Variants in ICAM3 observed in about 807,000 individuals in gnomAD.
ICAM3 encodes intercellular adhesion molecule 3.
A neutral mutation model predicts 43.6 loss-of-function variants in ICAM3; 54 were observed. That is an observed-to-expected ratio of 1.24 (90% CI 0.99 to 1.55). The LOEUF (loss-of-function observed/expected upper bound fraction) is 1.55. ICAM3 is among the 40% of genes most tolerant of loss of function. The pLI is 0.00. For missense variants in ICAM3, 715 were observed against 717.9 expected, an observed-to-expected ratio of 1.00 and a Z score of 0.05; for synonymous variants, 306 against 312.6, an observed-to-expected ratio of 0.98 and a Z score of 0.22.
At position 10,335,807 on chromosome 19, in the gene ICAM3, C is replaced by A. The variant is rs1398393730; in HGVS notation, c.513G>T (p.Ala171=). Residue 171 remains alanine, a synonymous_variant, in exon 3 of 7, where the codon GCG becomes GCT. Coordinates refer to ENST00000160262, the MANE Select transcript of ICAM3 (RefSeq NM_002162.5). ...TGGCCAGCACAGTGGCAGTGACCTC[C>A]GCTGGCTCCTCCACTGCGGGCTGCC... ...LSRQPAVEEP[A]EVTATVLASR... is the part of the protein sequence containing the mutation. 2.5e-6 allele frequency: 4 copies of A among 1,612,618 alleles called. No homozygotes were observed. The highest frequency in any genetic ancestry group is 3.4e-6 in the Non-Finnish European group (4 of 1,179,858).
rs1324003225 is a variant in ICAM3 at position 10,339,262 on chromosome 19, C to T, written c.76+277G>A. ...CAGGTGATCCTGGCAGAGGGAAGCA[C>T]ATACGCAAAGGGCAAATTTCAGGAG... On this transcript the variant is annotated intron_variant, in intron 1 of 6. Transcript: ENST00000160262. The T allele has an allele frequency of 5.2e-6, 3 of 579,388 alleles. No individual in the cohort carries two copies. The East Asian group carries it at 8.7e-5, about 17-fold the overall frequency. 35.9% of individuals were successfully genotyped at this position (579,388 alleles called of 1,614,324 possible).
intron 2 of ICAM3, among the ~76,000 whole-genome samples, chr19:10,336,816 A>G (rs1367126320): frequency 2.0e-5 from 3 of 148,834 alleles, no homozygotes; most frequent in Non-Finnish European, 4.5e-5. Context: ...AAAAAAAAAA[A>G]AAAAAAAAAA....
rs1272703443 is a variant in ICAM3 at position 10,335,708 on chromosome 19, G to T, written c.612C>A (p.Phe204Leu). The T allele has an allele frequency of 6.2e-7, 1 of 1,608,682 alleles. No individual in the cohort carries two copies. Among genetic ancestry groups the T allele is most frequent in the African/African-American group, 1.3e-5 (1 of 75,002 alleles). Residue 204 changes from phenylalanine to leucine, a missense_variant, in exon 3 of 7, where the codon TTC (phenylalanine) becomes TTA (leucine). Phe to Leu is a conservative substitution (Grantham distance 22). Transcript: ENST00000160262. ...GCTGGCGGGGGGCTGAGGTGTTCAC[G>T]AACAGTCCCAGCCCCTGGGGCTGCA... Reference protein sequence around the residue: ...LDMQPQGLGLFVNTSAPRQLR... With the variant: ...LDMQPQGLGLLVNTSAPRQLR...
Position 10,334,379 on chromosome 19 carries a change from G to T in ICAM3, c.1222C>A (p.Pro408Thr). The T allele has an allele frequency of 6.2e-7, 1 of 1,614,124 alleles. No individual in the cohort carries two copies. ...TTATCTTTCCATTTCAAGTGCTGGG[G>T]GCATGTGGCTCGGTCAATTTTGGGA... ...YGPKIDRATC[P>T]QHLKWKDKTR... is the part of the protein sequence containing the mutation. The change falls in exon 6 of 7, where the codon CCC becomes ACC. Residue 408 changes from proline (P) to threonine (T), a missense_variant. Transcript: ENST00000160262. This position sits in a 1 kb window ranked among gnomAD's most constrained non-coding sequence, Gnocchi z 5.5.
Position 10,334,146 on chromosome 19 carries a change from C to T in ICAM3, c.1441+14G>A, listed in dbSNP as rs1435740377. ...GGCTTACCGGTCCAGACCCGCAGCC[C>T]CGTGTTAGCTCACCCTCAATGTCCA... On this transcript the variant is annotated intron_variant, in intron 6 of 6. Transcript: ENST00000160262. The surrounding 1 kb of genome is among the most constrained non-coding windows in gnomAD (Gnocchi z 5.5). The T allele has an allele frequency of 4.3e-6, 7 of 1,612,590 alleles. No individual in the cohort carries two copies. Among genetic ancestry groups the T allele is most frequent in the Non-Finnish European group, 5.1e-6 (6 of 1,178,804 alleles).
At chr19:10,336,460 C>T (rs2040598935) in intron 2 of ICAM3, among the ~76,000 whole-genome samples, 1 of 152,060 alleles carries the variant, frequency 6.6e-6, no homozygotes, top group South Asian at 2.1e-4. Flanking sequence ...GGCACAGTCA[C>T]AGGAGACTTG....
rs2040570387 is a variant in ICAM3 at position 10,334,883 on chromosome 19, C to CT, written c.938-102_938-101insA. The CT allele has an allele frequency of 8.2e-6, 12 of 1,471,238 alleles. No homozygotes were observed. The highest frequency in any genetic ancestry group is 1.1e-5 in the Non-Finnish European group (12 of 1,098,676). 91.1% of individuals were successfully genotyped at this position (1,471,238 alleles called of 1,614,324 possible). ...CTTTCCTCTCGGGATATCCGGGCCACGCTTTCGGCCGTTCAAGCCTCGCCC... is the reference window on the plus strand; with the variant it reads ...CTTTCCTCTCGGGATATCCGGGCCACTGCTTTCGGCCGTTCAAGCCTCGCCC... On this transcript the variant is annotated intron_variant, in intron 4 of 6. Coordinates refer to ENST00000160262, the MANE Select transcript of ICAM3 (RefSeq NM_002162.5). This position sits in a 1 kb window ranked among gnomAD's most constrained non-coding sequence, Gnocchi z 5.5.
In ICAM3 at chr19:10,339,563, G is replaced by C. The variant is rs776366850; in HGVS notation, c.52C>G (p.Leu18Val). ...VLWPRACWTL[L>V]VCCLLTPGVQ... The stretch of plus-strand genomic sequence containing the variant: ...CCTGGGGTCAGCAGACAGCAGACCA[G>C]CAGAGTCCAGCAGGCCCTGGGCCAC... Residue 18 changes from leucine (L) to valine (V), a missense_variant, in exon 1 of 7, where the codon CTG becomes GTG. Coordinates refer to ENST00000160262, the MANE Select transcript of ICAM3 (RefSeq NM_002162.5). The C allele has an allele frequency of 2.5e-6, 4 of 1,613,942 alleles. No individual in the cohort carries two copies. Among genetic ancestry groups the C allele is most frequent in the Admixed American group, 1.7e-5 (1 of 60,010 alleles).
chr19:10,334,662 G>T lies in ICAM3; in HGVS notation c.1058C>A (p.Ala353Asp), dbSNP rs147827519. ...QVTLDGVPAAAPGQPAQLQLN... is the reference protein window; with the variant it reads ...QVTLDGVPAADPGQPAQLQLN... ...CTGAAGTTGAGCTGGCTGCCCCGGG[G>T]CCGCGGCCGGAACTCCGTCCAGCGT... is the stretch of plus-strand genomic sequence containing the variant. Residue 353 changes from alanine to aspartate, a missense_variant, in exon 5 of 7, where the codon GCC (alanine) becomes GAC (aspartate). Ala to Asp is a moderately radical substitution (Grantham distance 126). Coordinates refer to ENST00000160262, the MANE Select transcript of ICAM3 (RefSeq NM_002162.5). This position sits in a 1 kb window ranked among gnomAD's most constrained non-coding sequence, Gnocchi z 5.5. The T allele has an allele frequency of 2.8e-5, 45 of 1,613,312 alleles. No individual in the cohort carries two copies. Among genetic ancestry groups the T allele is most frequent in the Non-Finnish European group, 3.8e-5 (45 of 1,180,016 alleles).
intron 2 of ICAM3, 45 bp from the exon 3 acceptor site, chr19:10,336,021 C>T: frequency 6.8e-7 from 1 of 1,477,322 alleles, no homozygotes; most frequent in Non-Finnish European, 9.0e-7. Context: ...CCTGCAAACC[C>T]ACCCACTCAC....
chr19:10,333,931 C>T lies in ICAM3; in HGVS notation c.1570G>A (p.Glu524Lys), dbSNP rs926535602. ...QRSGSYHVRE[E>K]STYLPLTSMQ... ...GACGTGAGGGGCAGATAGGTGCTCT[C>T]CTCCCTAACATGGTAACTGCCGCTC... The change falls in exon 7 of 7, where the codon GAG becomes AAG. Residue 524 changes from glutamate to lysine, a missense_variant. By Grantham distance (56) the Glu-to-Lys change is moderately conservative (BLOSUM62 1). Transcript: ENST00000160262. This position sits in a 1 kb window ranked among gnomAD's most constrained non-coding sequence, Gnocchi z 4.2. 3.1e-6 allele frequency: 5 copies of T among 1,614,168 alleles called. No homozygotes were observed. In the African/African-American group the frequency reaches 4.0e-5, roughly 13 times the overall value.
intron 2 of ICAM3, among the ~76,000 whole-genome samples, chr19:10,336,759 T>C (rs1459195292): frequency 7.5e-6 from 1 of 133,586 alleles, no homozygotes; most frequent in Non-Finnish European, 1.5e-5. Flanking sequence ...TGAGCTGAGA[T>C]AGTGCCACTG....
chr19:10,334,897 C>A lies in ICAM3; in HGVS notation c.938-115G>T. On this transcript the variant is annotated intron_variant, in intron 4 of 6. Coordinates refer to ENST00000160262, the MANE Select transcript of ICAM3 (RefSeq NM_002162.5). This position sits in a 1 kb window ranked among gnomAD's most constrained non-coding sequence, Gnocchi z 5.5. ...TATCCGGGCCACGCTTTCGGCCGTT[C>A]AAGCCTCGCCCTCTTTCCGCGCTGT... The A allele has an allele frequency of 6.8e-7, 1 of 1,460,230 alleles. No homozygotes were observed. Among genetic ancestry groups the A allele is most frequent in the South Asian group, 1.4e-5 (1 of 73,386 alleles). 90.5% of individuals were successfully genotyped at this position (1,460,230 alleles called of 1,614,324 possible).
chr19:10,334,468 G>A lies in ICAM3; in HGVS notation c.1192+60C>T. 6.2e-7 allele frequency: 1 copy of A among 1,607,900 alleles called. No individual in the cohort carries two copies. Among genetic ancestry groups the A allele is most frequent in the South Asian group, 1.1e-5 (1 of 90,314 alleles). Reference sequence around the variant, plus strand: ...ACACCCGAGGCACAGTGGTGCAGAGGAGCGTCTAATCTTTCCAGGGCAGGG... The same window carrying A: ...ACACCCGAGGCACAGTGGTGCAGAGAAGCGTCTAATCTTTCCAGGGCAGGG... On this transcript the variant is annotated intron_variant, in intron 5 of 6. Transcript: ENST00000160262. The surrounding 1 kb of genome is among the most constrained non-coding windows in gnomAD (Gnocchi z 5.5).
At position 10,334,777 on chromosome 19, in the gene ICAM3, G is replaced by A; in HGVS notation, c.943C>T (p.Leu315=). Residue 315 remains leucine (L), a synonymous_variant, in exon 5 of 7, where the codon CTA becomes TTA. Transcript: ENST00000160262. The surrounding 1 kb of genome is among the most constrained non-coding windows in gnomAD (Gnocchi z 5.5). ...ARENLTVFSF[L]GPIVNLSEPT... is the part of the protein sequence containing the mutation. ...TCGCTGAGGTTCACAATGGGTCCTAGGAAGCCTAAAGGCGGGGCATTGCCC... is the reference window on the plus strand; with the variant it reads ...TCGCTGAGGTTCACAATGGGTCCTAAGAAGCCTAAAGGCGGGGCATTGCCC... 1 of 1,589,928 alleles carries A rather than the reference G, an allele frequency of 6.3e-7. No individual in the cohort carries two copies. The highest frequency in any genetic ancestry group is 1.1e-5 in the South Asian group (1 of 89,262).
chr19:10,334,453 C>T lies in ICAM3; in HGVS notation c.1193-45G>A, dbSNP rs772823099. The T allele has an allele frequency of 1.9e-6, 3 of 1,610,704 alleles. No homozygotes were observed. The highest frequency in any genetic ancestry group is 2.5e-6 in the Non-Finnish European group (3 of 1,177,688). On this transcript the variant is annotated intron_variant, in intron 5 of 6. Coordinates refer to ENST00000160262, the MANE Select transcript of ICAM3 (RefSeq NM_002162.5). The surrounding 1 kb of genome is among the most constrained non-coding windows in gnomAD (Gnocchi z 5.5). ...GATCAGACACCCAACACACCCGAGG[C>T]ACAGTGGTGCAGAGGAGCGTCTAAT...
intron 2 of ICAM3, among the ~76,000 whole-genome samples, chr19:10,337,830 A>G (rs2040614657): frequency 1.3e-5 from 2 of 152,028 alleles, no homozygotes; most frequent in Admixed American, 1.3e-4. Context: ...GTGTCCCTAT[A>G]TTGCTCTGCC....
At chr19:10,335,585 G>A (rs1393555709) in intron 3 of ICAM3, 86 bp downstream of exon 3, 3 of 1,361,332 alleles carry the variant, frequency 2.2e-6, no homozygotes, top group Admixed American at 2.1e-5. Context: ...GAGGTCCGGG[G>A]TACCCCACTC....
chr19:10,335,942 A>T lies in ICAM3; in HGVS notation c.378T>A (p.Pro126=). ...LPERVELAPL[P]PWQPVGQNFT... ...AGTTCTGGCCCACCGGCTGCCAAGG[A>T]GGCAGGGGTGCCAGCTCCACACGCT... is the stretch of plus-strand genomic sequence containing the variant. Residue 126 remains proline (P), a synonymous_variant, in exon 3 of 7, where the codon CCT becomes CCA. Coordinates refer to ENST00000160262, the MANE Select transcript of ICAM3 (RefSeq NM_002162.5). 1 of 1,578,672 alleles carries T rather than the reference A, an allele frequency of 6.3e-7. No homozygotes were observed.
Sources: gnomAD v4.1 joint callset for allele counts (sites outside exome capture counted in the v4.1 genomes callset) on GRCh38, gnomAD v4.1.1 for gene constraint, Gnocchi (gnomAD v3.1) non-coding constraint, MANE v1.5 for transcripts, NCBI Gene and HGNC (gene_info 2026-07-23, HGNC 2026-07-21) for gene names.